NLRP13: variants seen among roughly 807,000 people sequenced by gnomAD.
The protein encoded by NLRP13 is NACHT, LRR and PYD domains-containing protein 13.
In NLRP13, 82 loss-of-function variants were observed where a neutral mutation model predicts 94.4. The observed-to-expected ratio is 0.87, with a 90% CI of 0.73 to 1.04. The LOEUF (loss-of-function observed/expected upper bound fraction) is 1.04, where lower values mean the gene tolerates loss of function less well. Among genes scored for constraint, NLRP13 ranks in the 50% least tolerant of loss-of-function variants. The pLI, the probability that NLRP13 is intolerant of heterozygous loss-of-function variation, is 0.00. For synonymous variants in NLRP13, 553 were observed against 464.7 expected (o/e 1.19, Z -2.45); for missense variants, 1,426 against 1,230.8 (o/e 1.16, Z -2.37).
chr19:55,907,908 G>A lies in NLRP13; in HGVS notation c.2331C>T (p.Ala777=). 1 of 1,613,242 alleles carries A rather than the reference G, an allele frequency of 6.2e-7. No individual in the cohort carries two copies. The highest frequency in any genetic ancestry group is 8.5e-7 in the Non-Finnish European group (1 of 1,179,508). Residue 777 remains alanine (A), a synonymous_variant, in exon 7 of 11, where the codon GCC becomes GCT. Coordinates refer to ENST00000342929, the MANE Select transcript of NLRP13 (RefSeq NM_176810.2). ...PEWVLQDLII[A]LQGNSKLTHL... ...GGGTCAGCTTGCTGTTACCCTGAAG[G>A]GCAATAATGAGGTCCTGCAGAACCC...
chr19:55,910,441 T>C, intron 6 of NLRP13, 122 bp downstream of exon 6: 1 of 915,752 alleles, frequency 1.1e-6, no homozygotes, highest in Non-Finnish European at 1.6e-6. Context: ...AAGCACAGTT[T>C]ATTTTATCCT....
rs1215739737 is a variant in NLRP13, at chr19:55,932,012, T to C, written c.300A>G (p.Lys100=). Residue 100 remains lysine (K), a synonymous_variant, in exon 1 of 11, where the codon AAA becomes AAG. Transcript: ENST00000342929. ...TCTCACCTTTCATCTCGGCTCTAAC[T>C]TTCTCACACAGTGAGGTCAGATTCA... ...QTMNLTSLCE[K]VRAEMKENVQ... The C allele has an allele frequency of 6.2e-7, 1 of 1,613,676 alleles. No homozygotes were observed. Among genetic ancestry groups the C allele is most frequent in the South Asian group, 1.1e-5 (1 of 91,038 alleles).
downstream of NLRP13, among the ~76,000 whole-genome samples, chr19:55,893,781 C>T (rs867741115): frequency 2.0e-5 from 3 of 152,262 alleles, no homozygotes; most frequent in Middle Eastern, 3.4e-3. Flanking sequence ...CAAGAGGAGG[C>T]GAGGGTCTGG....
At chr19:55,893,303 G>A (rs369285128), downstream of NLRP13, among the ~76,000 whole-genome samples, 150 of 152,182 alleles carry the variant, frequency 9.9e-4, no homozygotes, top group African/African-American at 3.5e-3. Flanking sequence ...CAAGAGAATC[G>A]CTTGAACCTG....
In NLRP13 at chr19:55,902,044, T is replaced by C; in HGVS notation, c.2780A>G (p.Gln927Arg). 3 of 1,614,148 alleles carry C rather than the reference T, an allele frequency of 1.9e-6. No homozygotes were observed. Among genetic ancestry groups the C allele is most frequent in the Non-Finnish European group, 2.5e-6 (3 of 1,179,974 alleles). The change falls in exon 9 of 11, where the codon CAG (glutamine) becomes CGG (arginine). Residue 927 changes from glutamine to arginine, a missense_variant. Transcript: ENST00000342929. ...AGCCAAGAAAACTTACTTCAGGCTC[T>C]GCAGGTTACCATCTGGGCGACCCAA... is the stretch of plus-strand genomic sequence containing the variant. ...EALGRPDGNL[Q>R]SLNLSGCSFT...
At chr19:55,931,740 A>AAGACAGAAAGAAAGACAGAAAGAAAGAC (rs1276767857) in intron 1 of NLRP13, among the ~76,000 whole-genome samples, 2 of 144,938 alleles carry the variant, frequency 1.4e-5, no homozygotes, top group East Asian at 2.1e-4. Flanking sequence ...GAAAGAAAGA[A>AAGACAGAAAGAAAGACAGAAAGAAAGAC]AGAAAAAGGC....
chr19:55,932,196 T>G lies in NLRP13; in HGVS notation c.116A>C (p.Gln39Pro). The part of the protein sequence containing the change: ...LEEFKLCLEP[Q>P]QLMDFWSAPQ... Reference sequence around the variant, plus strand: ...GGCCGACCAGAAGTCCATCAGCTGCTGGGGTTCCAAGCAAAGCTTGAATTC... The same window carrying G: ...GGCCGACCAGAAGTCCATCAGCTGCGGGGGTTCCAAGCAAAGCTTGAATTC... The change falls in exon 1 of 11, where the codon CAG becomes CCG. Residue 39 changes from glutamine to proline, a missense_variant. By Grantham distance (76) the Gln-to-Pro change is moderately conservative. Coordinates refer to ENST00000342929, the MANE Select transcript of NLRP13 (RefSeq NM_176810.2). 1 of 1,614,016 alleles carries G rather than the reference T, an allele frequency of 6.2e-7. No homozygotes were observed.
chr19:55,927,411 G>T (rs939402370), intron 1 of NLRP13, among the ~76,000 whole-genome samples: 2 of 149,418 alleles, frequency 1.3e-5, no homozygotes, highest in African/African-American at 4.9e-5. Flanking sequence ...TGACACATTT[G>T]CCTTCGATTA....
At chr19:55,900,560 A>G (rs548694711) in intron 9 of NLRP13, among the ~76,000 whole-genome samples, 1 of 151,958 alleles carries the variant, frequency 6.6e-6, no homozygotes, top group South Asian at 2.1e-4. Context: ...TCACGAGGTC[A>G]GGAGATTGAG....
At chr19:55,910,841 T>C in intron 5 of NLRP13, 108 bp from the exon 6 acceptor site, 1 of 1,016,176 alleles carries the variant, frequency 9.8e-7, no homozygotes, top group Non-Finnish European at 1.4e-6. Flanking sequence ...TTATTATAAT[T>C]TTCCTAATGT....
chr19:55,898,926 CA>C lies in NLRP13; in HGVS notation c.2800del (p.Cys934ValfsTer21), dbSNP rs1251790289. ...GNLQSLNLSG[C>X]SFTREGCGEL... ...TCCACAGCCCTCTCTTGTGAAAGAACAACCTGACAAACTGCAAAATAAAAAC... is the reference window on the plus strand; with the variant it reads ...TCCACAGCCCTCTCTTGTGAAAGAACACCTGACAAACTGCAAAATAAAAAC... On this transcript the variant is annotated frameshift_variant, in exon 10 of 11. Coordinates refer to ENST00000342929, the MANE Select transcript of NLRP13 (RefSeq NM_176810.2). LOFTEE classifies it high-confidence loss of function. The C allele has an allele frequency of 6.2e-7, 1 of 1,605,172 alleles. No homozygotes were observed. The highest frequency in any genetic ancestry group is 1.8e-5 in the Admixed American group (1 of 56,966).
At chr19:55,929,647 A>G (rs887467438) in intron 1 of NLRP13, among the ~76,000 whole-genome samples, 2 of 152,140 alleles carry the variant, frequency 1.3e-5, no homozygotes, top group African/African-American at 2.4e-5. Context: ...TAGGGGAGGG[A>G]TAGTATTAGA....
intron 6 of NLRP13, among the ~76,000 whole-genome samples, chr19:55,909,681 C>T (rs1297147952): frequency 3.3e-5 from 5 of 152,202 alleles, no homozygotes; most frequent in African/African-American, 1.2e-4. Context: ...ACAAGTGGCT[C>T]TCACCAGGTT....
chr19:55,909,522 T>C (rs578061518), intron 6 of NLRP13, among the ~76,000 whole-genome samples: 1 of 146,886 alleles, frequency 6.8e-6, no homozygotes, highest in African/African-American at 2.6e-5. Flanking sequence ...CTGATAAATA[T>C]TACCACTGGA....
chr19:55,911,472 A>G (rs534523096), intron 5 of NLRP13, among the ~76,000 whole-genome samples: 1 of 152,336 alleles, frequency 6.6e-6, no homozygotes, highest in East Asian at 1.9e-4. Context: ...TAAACCCTCC[A>G]TATTCAATGC....
Position 55,910,603 on chromosome 19 carries a change from GAC to G in NLRP13, c.2240_2241del (p.Cys747SerfsTer21). 6.2e-7 allele frequency: 1 copy of G among 1,613,140 alleles called. No homozygotes were observed. The highest frequency in any genetic ancestry group is 8.5e-7 in the Non-Finnish European group (1 of 1,179,272). On this transcript the variant is annotated frameshift_variant, in exon 6 of 11. Transcript: ENST00000342929. LOFTEE classifies it high-confidence loss of function. The stretch of plus-strand genomic sequence containing the variant: ...TTGCATCTTGGATTTTTCAGTGCAA[GAC>G]AGAGACCCTTCACAGAGGAAGCATG... ...KLHASSVKGLCLALKNPRCKV... is the reference protein window; with the variant it reads ...KLHASSVKGLXLALKNPRCKV...
downstream of NLRP13, chr19:55,891,946 T>G: frequency 2.4e-6 from 1 of 424,560 alleles, no homozygotes; most frequent in Non-Finnish European, 4.0e-6. Context: ...CAGGATGTCC[T>G]GGTGGCTTTC....
In NLRP13 at chr19:55,912,069, G is replaced by A. The variant is rs1196761459; in HGVS notation, c.1748C>T (p.Pro583Leu). The change falls in exon 5 of 11, where the codon CCA becomes CTA. Residue 583 changes from proline to leucine, a missense_variant. Transcript: ENST00000342929. ...AAGACCAAAGAAGAACAGAACCACT[G>A]GAGTCCAGTAGGCTTCTTTGTCAAG... is the stretch of plus-strand genomic sequence containing the variant. Reference protein sequence around the residue: ...VLLDKEAYWTPVVLFFFGLLN... With the variant: ...VLLDKEAYWTLVVLFFFGLLN... 6 of 1,614,060 alleles carry A rather than the reference G, an allele frequency of 3.7e-6. No homozygotes were observed. Among genetic ancestry groups the A allele is most frequent in the Non-Finnish European group, 5.1e-6 (6 of 1,180,048 alleles).
intron 4 of NLRP13, among the ~76,000 whole-genome samples, chr19:55,913,983 C>T (rs1986615057): frequency 6.6e-6 from 1 of 152,202 alleles, no homozygotes; most frequent in Non-Finnish European, 1.5e-5. Context: ...CAGAGTCCCC[C>T]ACTCACAGAA....
Sources: allele counts gnomAD v4.1 joint callset (sites outside exome capture counted in the v4.1 genomes callset), GRCh38; gene constraint gnomAD v4.1.1; transcripts MANE v1.5; gene names NCBI Gene and HGNC (gene_info 2026-07-23, HGNC 2026-07-21).